Variants in AGPAT3 observed in about 807,000 individuals in gnomAD.
AGPAT3 encodes 1-acylglycerol-3-phosphate O-acyltransferase 3.
AGPAT3 carries 5 observed loss-of-function variants against 47.3 expected under a neutral mutation model. The observed-to-expected ratio is 0.11, with a 90% CI of 0.06 to 0.22. The LOEUF (loss-of-function observed/expected upper bound fraction) is 0.22, where lower values mean the gene tolerates loss of function less well. AGPAT3 is among the 10% of genes least tolerant of loss of function. The pLI, the probability that AGPAT3 is intolerant of heterozygous loss-of-function variation, is 1.00. For synonymous variants in AGPAT3, 212 were observed against 208.3 expected (o/e 1.02, Z -0.15); for missense variants, 315 against 493.0 (o/e 0.64, Z 3.42).
rs2086919703 is a variant in AGPAT3 at position 43,922,401 on chromosome 21, T to C, written c.-49+18382T>C. ...GCCAGGCAGGGACCTGCTTCAGTCCTCGAAGGAGGCTGCTGGCTTGTGACC... is the reference window on the plus strand; with the variant it reads ...GCCAGGCAGGGACCTGCTTCAGTCCCCGAAGGAGGCTGCTGGCTTGTGACC... On this transcript the variant is annotated intron_variant, in intron 2 of 9. Transcript: ENST00000291572. This position sits in a 1 kb window ranked among gnomAD's most constrained non-coding sequence, Gnocchi z 4.9. Among the ~76,000 whole-genome samples, 1 of 151,930 alleles carries C rather than the reference T, an allele frequency of 6.6e-6. No individual in the cohort carries two copies. The highest frequency in any genetic ancestry group is 1.5e-5 in the Non-Finnish European group (1 of 67,962).
intron 2 of AGPAT3, among the ~76,000 whole-genome samples, chr21:43,938,426 G>T (rs977935891): frequency 7.0e-6 from 1 of 142,180 alleles, no homozygotes; most frequent in African/African-American, 2.6e-5. Flanking sequence ...TCCTGCCTCA[G>T]CCTCCTGAGA....
chr21:43,921,172 G>A (rs948228910), intron 2 of AGPAT3, among the ~76,000 whole-genome samples: 4 of 152,112 alleles, frequency 2.6e-5, no homozygotes, highest in Non-Finnish European at 4.4e-5. Context: ...GAGCTGCTCT[G>A]GCAAATTAAT....
At chr21:43,947,810 A>C (rs1426652762) in intron 2 of AGPAT3, among the ~76,000 whole-genome samples, 1 of 151,564 alleles carries the variant, frequency 6.6e-6, no homozygotes, top group East Asian at 1.9e-4. Flanking sequence ...CACCCGGCTA[A>C]TTTTTTGTAT....
chr21:43,962,352 G>T (rs1417757824), intron 3 of AGPAT3, among the ~76,000 whole-genome samples: 1 of 152,114 alleles, frequency 6.6e-6, no homozygotes, highest in Admixed American at 6.6e-5. Flanking sequence ...CTGTGGGAAG[G>T]GAGAATTGGA....
intron 3 of AGPAT3, among the ~76,000 whole-genome samples, chr21:43,961,769 G>T (rs1016130851): frequency 2.6e-5 from 4 of 152,136 alleles, no homozygotes; most frequent in Non-Finnish European, 4.4e-5. Flanking sequence ...GTCTCATGTA[G>T]GAAATGGTGA....
chr21:43,906,091 T>G (rs1050645099), intron 2 of AGPAT3, among the ~76,000 whole-genome samples: 1 of 152,288 alleles, frequency 6.6e-6, no homozygotes, highest in Admixed American at 6.5e-5. Context: ...ACATCACGGT[T>G]CTGTAATAAC....
intron 2 of AGPAT3, among the ~76,000 whole-genome samples, chr21:43,942,433 C>G (rs1345688966): frequency 6.6e-6 from 1 of 152,182 alleles, no homozygotes; most frequent in East Asian, 1.9e-4. Flanking sequence ...CTCTGCCTAC[C>G]CTGCATTCGC....
chr21:43,968,198 C>G (rs539865431), intron 4 of AGPAT3, 83 bp downstream of exon 4: 189 of 591,456 alleles, frequency 3.2e-4, no homozygotes, highest in East Asian at 6.6e-4. Flanking sequence ...CAGGGAGGGC[C>G]GGGGTGAGCA....
intron 2 of AGPAT3, among the ~76,000 whole-genome samples, chr21:43,947,547 C>T (rs186709285): frequency 2.2e-4 from 34 of 152,282 alleles, no homozygotes; most frequent in Admixed American, 1.4e-3. Context: ...CAGTGTCTGT[C>T]GGGGCCTTGA....
chr21:43,898,134 G>C (rs1443415615), intron 1 of AGPAT3, among the ~76,000 whole-genome samples: 1 of 152,166 alleles, frequency 6.6e-6, no homozygotes, highest in Admixed American at 6.5e-5. Context: ...GAAGAGGGGA[G>C]AGGGGAGAGG....
chr21:43,981,514 G>T lies in AGPAT3; in HGVS notation c.1042+327G>T, dbSNP rs1336695828. 2 of 421,486 alleles carry T rather than the reference G, an allele frequency of 4.7e-6. No individual in the cohort carries two copies. The highest frequency in any genetic ancestry group is 4.9e-5 in the East Asian group (1 of 20,282). The allele number at this position is 421,486 out of a possible 1,614,324, so 26.1% of individuals were successfully genotyped here. ...CCTGTCTGCTTTTGGGCTCTTAGGG[G>T]TCAGGCTGGGCTGGCCATTCGGGAG... is the stretch of plus-strand genomic sequence containing the variant. On this transcript the variant is annotated intron_variant, in intron 9 of 9. Coordinates refer to ENST00000291572, the MANE Select transcript of AGPAT3 (RefSeq NM_020132.5). The surrounding 1 kb of genome is among the most constrained non-coding windows in gnomAD (Gnocchi z 5.3).
At chr21:43,927,708 T>C (rs750355147) in intron 2 of AGPAT3, among the ~76,000 whole-genome samples, 18 of 152,128 alleles carry the variant, frequency 1.2e-4, no homozygotes, top group Non-Finnish European at 2.4e-4. Context: ...ATGGCCTGGG[T>C]TTTGAGTCCT....
intron 7 of AGPAT3, among the ~76,000 whole-genome samples, chr21:43,975,986 T>C (rs1401636431): frequency 1.6e-5 from 1 of 62,882 alleles, no homozygotes; most frequent in Non-Finnish European, 3.0e-5. Flanking sequence ...TTTCTTTTCC[T>C]TTTTTTTTTT....
At chr21:43,961,141 T>TAA (rs1042119184) in intron 3 of AGPAT3, among the ~76,000 whole-genome samples, 17 of 130,228 alleles carry the variant, frequency 1.3e-4, no homozygotes, top group Non-Finnish European at 1.6e-4. Context: ...AGACTCTGTC[T>TAA]AAAAAAAAAA....
intron 7 of AGPAT3, among the ~76,000 whole-genome samples, chr21:43,976,181 C>T (rs1474316635): frequency 1.3e-5 from 2 of 152,102 alleles, no homozygotes; most frequent in Non-Finnish European, 2.9e-5. Flanking sequence ...ATTCTCCTGT[C>T]TCAGCCTCTC....
intron 2 of AGPAT3, 95 bp from the exon 3 acceptor site, chr21:43,959,539 G>C: frequency 8.9e-7 from 1 of 1,119,434 alleles, no homozygotes; most frequent in Non-Finnish European, 1.3e-6. Flanking sequence ...ATAAGCGTGA[G>C]GCATGTGCGG....
At chr21:43,974,224 ATG>A (rs908431720) in intron 7 of AGPAT3, among the ~76,000 whole-genome samples, 12 of 149,952 alleles carry the variant, frequency 8.0e-5, no homozygotes, top group African/African-American at 1.2e-4. Flanking sequence ...TAAATTATCT[ATG>A]TGTGTATAAA....
chr21:43,882,538 C>T (rs2085876729), intron 1 of AGPAT3: 1 of 152,210 alleles, frequency 6.6e-6, no homozygotes, highest in Non-Finnish European at 1.5e-5. Context: ...CCTGGAAAAT[C>T]CAGTGTCTAT....
chr21:43,866,280 T>A (rs1021202941), intron 1 of AGPAT3, among the ~76,000 whole-genome samples: 1 of 151,456 alleles, frequency 6.6e-6, no homozygotes, highest in Non-Finnish European at 1.5e-5. Context: ...GGAAACATGA[T>A]CTTAGTAGAA....
Sources: allele counts gnomAD v4.1 joint callset (sites outside exome capture counted in the v4.1 genomes callset), GRCh38; gene constraint gnomAD v4.1.1; non-coding constraint Gnocchi (gnomAD v3.1); transcripts MANE v1.5; gene names NCBI Gene and HGNC (gene_info 2026-07-23, HGNC 2026-07-21).